The following CRTC1 variants were observed in gnomAD, a reference collection of about 807,000 sequenced individuals.
The protein encoded by CRTC1 is CREB-regulated transcription coactivator 1.
Under a neutral mutation model 66.1 loss-of-function variants are expected in CRTC1, and 18 were observed. The ratio of observed to expected loss-of-function variants is 0.27; its 90% confidence interval spans 0.19 to 0.40. CRTC1 has a LOEUF of 0.40. Ranked by LOEUF, CRTC1 falls within the 10% of genes least tolerant of loss-of-function variation. The pLI, the probability that CRTC1 is intolerant of heterozygous loss-of-function variation, is 1.00. For missense variants in CRTC1, 669 were observed against 887.9 expected, an observed-to-expected ratio of 0.75 and a Z score of 3.13; for synonymous variants, 416 against 398.8, an observed-to-expected ratio of 1.04 and a Z score of -0.51.
rs1199697694 is a variant in CRTC1, at chr19:18,771,573, C to T, written c.1425+27C>T. The T allele has an allele frequency of 6.4e-7, 1 of 1,557,294 alleles. No homozygotes were observed. Among genetic ancestry groups the T allele is most frequent in the South Asian group, 1.1e-5 (1 of 88,088 alleles). On this transcript the variant is annotated intron_variant, in intron 11 of 13. Coordinates refer to ENST00000321949, the MANE Select transcript of CRTC1 (RefSeq NM_015321.3). The surrounding 1 kb of genome is among the most constrained non-coding windows in gnomAD (Gnocchi z 4.6). ...TAAGGGGCGCCGCCTCCCCCTTGGC[C>T]TGTGGGCTCCACGCTTGTCTTGTTC...
intron 2 of CRTC1, among the ~76,000 whole-genome samples, chr19:18,744,722 T>C (rs1209253829): frequency 6.6e-6 from 1 of 152,234 alleles, no homozygotes; most frequent in East Asian, 1.9e-4. Context: ...ACCCTCATCG[T>C]CACAGGCCCA....
At chr19:18,717,196 G>T (rs1477715963) in intron 1 of CRTC1, among the ~76,000 whole-genome samples, 2 of 152,086 alleles carry the variant, frequency 1.3e-5, no homozygotes, top group South Asian at 2.1e-4. Flanking sequence ...TTTGAGTGAG[G>T]GGTGATGGTG....
chr19:18,712,424 A>AT (rs1276016233), intron 1 of CRTC1, among the ~76,000 whole-genome samples: 2 of 151,000 alleles, frequency 1.3e-5, no homozygotes, highest in South Asian at 2.1e-4. Context: ...CACCCAGCTA[A>AT]TTTTTTTGTA....
At chr19:18,762,172 G>A (rs183874547) in intron 8 of CRTC1, among the ~76,000 whole-genome samples, 2 of 152,322 alleles carry the variant, frequency 1.3e-5, no homozygotes, top group African/African-American at 4.8e-5. Flanking sequence ...AGAGCACATG[G>A]CCCCCTTCCC....
intron 4 of CRTC1, 25 bp downstream of exon 4, chr19:18,747,139 C>CCCCCCCCCCCCCCT: frequency 2.3e-6 from 2 of 882,590 alleles, no homozygotes; most frequent in Non-Finnish European, 3.5e-6. Context: ...ACCCCCCCCC[C>CCCCCCCCCCCCCCT]GCCCCCTTCT....
In CRTC1 at chr19:18,683,715, A is replaced by G; in HGVS notation, c.13A>G (p.Asn5Asp). Reference protein sequence around the residue: MATSNNPRKFSEKIA... With the variant: MATSDNPRKFSEKIA... ...TGGCGGCGAGAAGATGGCGACTTCG[A>G]ACAATCCGCGGAAATTCAGCGAGAA... is the stretch of plus-strand genomic sequence containing the variant. Residue 5 changes from asparagine to aspartate, a missense_variant, in exon 1 of 14, where the codon AAC becomes GAC. By Grantham distance (23) the Asn-to-Asp change is conservative (BLOSUM62 1). This residue lies in a region of CRTC1 where 23 missense variants were observed against 30.6 expected (regional missense o/e 0.75). Coordinates refer to ENST00000321949, the MANE Select transcript of CRTC1 (RefSeq NM_015321.3). The G allele has an allele frequency of 1.4e-6, 2 of 1,403,306 alleles. No homozygotes were observed. The highest frequency in any genetic ancestry group is 3.3e-5 in the East Asian group (1 of 30,454). 86.9% of individuals were successfully genotyped at this position (1,403,306 alleles called of 1,614,324 possible). A position where few individuals can be genotyped will look rare whatever the true frequency, so the allele number is the denominator to read the frequency against.
At chr19:18,694,226 A>G (rs1415790946) in intron 1 of CRTC1, among the ~76,000 whole-genome samples, 1 of 146,510 alleles carries the variant, frequency 6.8e-6, no homozygotes, top group Non-Finnish European at 1.5e-5. Flanking sequence ...CCTTGAGCCT[A>G]GGAGCTTGAG....
intron 13 of CRTC1, among the ~76,000 whole-genome samples, chr19:18,776,912 G>A (rs1367683744): frequency 2.6e-5 from 4 of 152,154 alleles, no homozygotes; most frequent in Admixed American, 6.5e-5. Flanking sequence ...CCCTTGGCCC[G>A]AGGCTTCTCC....
intron 12 of CRTC1, 90 bp downstream of exon 12, chr19:18,775,076 G>A (rs1272964795): frequency 1.9e-5 from 25 of 1,297,792 alleles, no homozygotes; most frequent in Non-Finnish European, 2.7e-5. Context: ...GCGAGTCAGA[G>A]CTGCACGTGC....
At chr19:18,701,519 G>C (rs1600781242) in intron 1 of CRTC1, among the ~76,000 whole-genome samples, 1 of 152,256 alleles carries the variant, frequency 6.6e-6, no homozygotes, top group Non-Finnish European at 1.5e-5. Flanking sequence ...GAATATGACA[G>C]CTGCCACTGT....
chr19:18,701,399 G>T (rs1375814759), intron 1 of CRTC1, among the ~76,000 whole-genome samples: 1 of 152,192 alleles, frequency 6.6e-6, no homozygotes, highest in Non-Finnish European at 1.5e-5. Flanking sequence ...GGCCCGTGGT[G>T]GGTGCACACC....
chr19:18,710,591 T>G (rs2145579785), intron 1 of CRTC1, among the ~76,000 whole-genome samples: 1 of 152,176 alleles, frequency 6.6e-6, no homozygotes, highest in South Asian at 2.1e-4. Flanking sequence ...ACTGTTTATT[T>G]TTTACATTTA....
intron 1 of CRTC1, among the ~76,000 whole-genome samples, chr19:18,688,921 C>A (rs1401083400): frequency 7.9e-5 from 12 of 152,136 alleles, no homozygotes; most frequent in Admixed American, 7.9e-4. Context: ...CAGCCCCTGG[C>A]AGCCACAAAT....
chr19:18,728,272 C>G lies in CRTC1; in HGVS notation c.127-14638C>G, dbSNP rs142380883. Among the ~76,000 whole-genome samples, 787 of 152,296 alleles carry G rather than the reference C, an allele frequency of 5.2e-3. 6 individuals are homozygous for G. Among genetic ancestry groups the G allele is most frequent in the African/African-American group, 0.016 (669 of 41,566 alleles). On this transcript the variant is annotated intron_variant, in intron 1 of 13. Coordinates refer to ENST00000321949, the MANE Select transcript of CRTC1 (RefSeq NM_015321.3). ...CCGGCCCATCTCTGCCTCTCCACCC[C>G]CTTATGTTACTAGGTGAAGAATTGT...
intron 1 of CRTC1, among the ~76,000 whole-genome samples, chr19:18,730,373 C>T (rs946021749): frequency 1.3e-5 from 2 of 152,120 alleles, no homozygotes; most frequent in African/African-American, 2.4e-5. Context: ...CCTGGTGCAG[C>T]CCCTGGACTT....
chr19:18,693,802 G>T (rs2052914317), intron 1 of CRTC1, among the ~76,000 whole-genome samples: 13 of 151,824 alleles, frequency 8.6e-5, no homozygotes, highest in Admixed American at 8.5e-4. Context: ...ACTGTTTGCA[G>T]GCACACTGAT....
rs1238379222 is a variant in CRTC1 at position 18,704,808 on chromosome 19, ATTGT to A, written c.126+20983_126+20986del. On this transcript the variant is annotated intron_variant, in intron 1 of 13. Transcript: ENST00000321949. ...AGTGGCATTTAGTAAGTATCCTCAC[ATTGT>A]TTTGCAATCATCACCACCATCTGTG... Among the ~76,000 whole-genome samples the A allele has an allele frequency of 1.1e-4, 16 of 152,222 alleles. No homozygotes were observed. The East Asian group carries it at 3.1e-3, about 29-fold the overall frequency.
intron 1 of CRTC1, among the ~76,000 whole-genome samples, chr19:18,711,664 G>A (rs573987245): frequency 2.6e-5 from 4 of 152,286 alleles, no homozygotes; most frequent in South Asian, 4.1e-4. Flanking sequence ...TGGGGCGGCC[G>A]TGCTGGTCCT....
At chr19:18,772,868 TGGGGCTGGA>T (rs1345969940) in intron 11 of CRTC1, among the ~76,000 whole-genome samples, 2 of 152,018 alleles carry the variant, frequency 1.3e-5, no homozygotes, top group South Asian at 2.1e-4. Flanking sequence ...CTGTTGGGGA[TGGGGCTGGA>T]GGGGCTGGAG....
Sources: gnomAD v4.1 joint callset for allele counts (sites outside exome capture counted in the v4.1 genomes callset) on GRCh38, gnomAD v4.1.1 for gene constraint, gnomAD v4.1.1 regional missense constraint, Gnocchi (gnomAD v3.1) non-coding constraint, MANE v1.5 for transcripts, NCBI Gene and HGNC (gene_info 2026-07-23, HGNC 2026-07-21) for gene names.